The following NRXN3 variants were observed in gnomAD, a reference collection of about 807,000 sequenced individuals.
NRXN3 encodes neurexin III.
NRXN3 carries 32 observed loss-of-function variants against 137.6 expected under a neutral mutation model. That is an observed-to-expected ratio of 0.23 (90% CI 0.18 to 0.31). The LOEUF is 0.31. NRXN3 is among the 10% of genes least tolerant of loss of function. The probability of loss-of-function intolerance (pLI) is 1.00; values close to 1 mark genes in which losing one functional copy is unlikely to be tolerated. For missense variants in NRXN3, 1,574 were observed against 2,062.5 expected (o/e 0.76, Z 4.59); for synonymous variants, 798 against 784.5 (o/e 1.02, Z -0.29).
chr14:78,244,709 A>G (rs1204785830), intron 2 of NRXN3, among the ~76,000 whole-genome samples: 4 of 152,220 alleles, frequency 2.6e-5, no homozygotes, highest in African/African-American at 9.6e-5. Flanking sequence ...GATTTCTCAC[A>G]TGAGGTACCT....
At chr14:78,347,268 A>G (rs1362905827) in intron 4 of NRXN3, among the ~76,000 whole-genome samples, 2 of 152,220 alleles carry the variant, frequency 1.3e-5, no homozygotes, top group African/African-American at 4.8e-5. Context: ...AGAAAAAGGA[A>G]GTGCTCAGGG....
intron 8 of NRXN3, among the ~76,000 whole-genome samples, chr14:78,719,109 T>A (rs1194702279): frequency 1.3e-5 from 2 of 152,242 alleles, no homozygotes; most frequent in Non-Finnish European, 2.9e-5. Flanking sequence ...TATTTGTACA[T>A]CATGGAGCTT....
chr14:78,326,177 G>A (rs2080056508), intron 4 of NRXN3, among the ~76,000 whole-genome samples: 1 of 152,172 alleles, frequency 6.6e-6, no homozygotes, highest in Admixed American at 6.5e-5. Flanking sequence ...TTTTTTATGG[G>A]GAGTAGAGTG....
chr14:78,289,964 A>G (rs138961343), intron 3 of NRXN3, among the ~76,000 whole-genome samples: 257 of 152,356 alleles, frequency 1.7e-3, no homozygotes, highest in Non-Finnish European at 2.9e-3. Context: ...TCATGTTCTT[A>G]CATGAGTTTT....
intron 15 of NRXN3, among the ~76,000 whole-genome samples, chr14:79,166,624 G>A (rs2061309602): frequency 6.6e-6 from 1 of 151,200 alleles, no homozygotes; most frequent in African/African-American, 2.4e-5. Flanking sequence ...TATTTTTAGT[G>A]CTGAGACCCA....
chr14:78,605,884 T>G (rs1466614220), intron 4 of NRXN3, among the ~76,000 whole-genome samples: 2 of 152,150 alleles, frequency 1.3e-5, no homozygotes, highest in Admixed American at 6.5e-5. Context: ...TTTAAAATAA[T>G]AAAATAATCA....
intron 6 of NRXN3, among the ~76,000 whole-genome samples, chr14:78,677,715 C>T (rs2098024026): frequency 6.6e-6 from 1 of 152,164 alleles, no homozygotes; most frequent in African/African-American, 2.4e-5. Flanking sequence ...AACAGCATTA[C>T]ATGCTACAAA....
At chr14:79,570,415 A>T (rs567602045) in intron 16 of NRXN3, 2 of 152,322 alleles carry the variant, frequency 1.3e-5, no homozygotes, top group African/African-American at 2.4e-5. Flanking sequence ...GGCCTGGTGC[A>T]TAGGTTTGGC....
chr14:79,759,048 G>A (rs1054717242), intron 19 of NRXN3, among the ~76,000 whole-genome samples: 1 of 152,110 alleles, frequency 6.6e-6, no homozygotes, highest in South Asian at 2.1e-4. Flanking sequence ...GACATTGCAG[G>A]GGGTGGGAGA....
chr14:79,156,011 T>C (rs941491702), intron 15 of NRXN3, among the ~76,000 whole-genome samples: 1 of 151,818 alleles, frequency 6.6e-6, no homozygotes, highest in Non-Finnish European at 1.5e-5. Context: ...TTTAAAAATC[T>C]CTCTCTTCCC....
At chr14:78,581,546 T>G (rs1277074444) in intron 4 of NRXN3, among the ~76,000 whole-genome samples, 1 of 152,224 alleles carries the variant, frequency 6.6e-6, no homozygotes, top group Non-Finnish European at 1.5e-5. Context: ...GTGATTAAGT[T>G]TCAACACATG....
At chr14:79,131,864 G>A (rs1035342245) in intron 15 of NRXN3, among the ~76,000 whole-genome samples, 4 of 152,226 alleles carry the variant, frequency 2.6e-5, no homozygotes, top group Non-Finnish European at 5.9e-5. Flanking sequence ...AGCCAGGTGT[G>A]GGATATAATC....
intron 15 of NRXN3, among the ~76,000 whole-genome samples, chr14:79,301,108 T>G (rs1278414489): frequency 6.6e-6 from 1 of 152,124 alleles, no homozygotes; most frequent in African/African-American, 2.4e-5. Context: ...TTATTTCTCC[T>G]ATATAACGTT....
chr14:78,998,604 T>C (rs961145992), intron 15 of NRXN3, among the ~76,000 whole-genome samples: 1 of 151,530 alleles, frequency 6.6e-6, no homozygotes, highest in Admixed American at 6.6e-5. Context: ...ATTAAATTTT[T>C]TTTTTTTTTT....
rs113479831 is a variant in NRXN3 at position 79,497,626 on chromosome 14, C to T, written c.3444+30224C>T. On this transcript the variant is annotated intron_variant, in intron 16 of 20. Transcript: ENST00000335750. ...GTGTCTGCCTCCCCACACTAGAACA[C>T]AGGCTCCCAGGGGTTAGTGACTTTT... is the stretch of plus-strand genomic sequence containing the variant. Among the ~76,000 whole-genome samples the T allele has an allele frequency of 4.3e-4, 66 of 152,278 alleles. 2 individuals carry two copies. The highest frequency in any genetic ancestry group is 1.5e-3 in the African/African-American group (61 of 41,544).
intron 15 of NRXN3, among the ~76,000 whole-genome samples, chr14:79,223,584 A>T (rs750205592): frequency 6.6e-6 from 1 of 150,970 alleles, no homozygotes; most frequent in Admixed American, 6.6e-5. Context: ...TCTTATAAGA[A>T]AAAAATGGTG....
intron 20 of NRXN3, among the ~76,000 whole-genome samples, chr14:79,823,140 C>T (rs1458521211): frequency 1.4e-5 from 1 of 74,008 alleles, no homozygotes; most frequent in Non-Finnish European, 2.7e-5. Flanking sequence ...AAAGGCAATT[C>T]CTGAATGTGT....
intron 10 of NRXN3, among the ~76,000 whole-genome samples, chr14:78,910,650 T>G (rs1312275080): frequency 6.6e-6 from 1 of 152,126 alleles, no homozygotes; most frequent in African/African-American, 2.4e-5. Flanking sequence ...GCCCTGGGCT[T>G]TATTTCATTT....
chr14:78,274,742 G>A (rs773467138), intron 2 of NRXN3, among the ~76,000 whole-genome samples: 68 of 152,332 alleles, frequency 4.5e-4, no homozygotes, highest in Non-Finnish European at 7.5e-4. Context: ...TTGTGATGCT[G>A]AAGAGAGTGG....
Sources: allele counts gnomAD v4.1 joint callset (sites outside exome capture counted in the v4.1 genomes callset), GRCh38; gene constraint gnomAD v4.1.1; transcripts MANE v1.5; gene names NCBI Gene and HGNC (gene_info 2026-07-23, HGNC 2026-07-21).